Variants in ATP10D observed in about 807,000 individuals in gnomAD.
ATP10D encodes the protein ATPase phospholipid transporting 10D (putative).
A neutral mutation model predicts 144.8 loss-of-function variants in ATP10D; 89 were observed. That is an observed-to-expected ratio of 0.61 (90% confidence interval 0.52 to 0.73). The LOEUF (loss-of-function observed/expected upper bound fraction) is 0.73. Among genes scored for constraint, ATP10D ranks in the 30% least tolerant of loss-of-function variants. ATP10D has a pLI of 0.00. For synonymous variants in ATP10D, 571 were observed against 615.1 expected, an observed-to-expected ratio of 0.93 and a Z score of 1.06; for missense variants, 1,603 against 1,714.8, an observed-to-expected ratio of 0.93 and a Z score of 1.15.
chr4:47,566,333 T>C (rs1323955873), intron 15 of ATP10D, among the ~76,000 whole-genome samples: 3 of 152,220 alleles, frequency 2.0e-5, no homozygotes, highest in South Asian at 2.1e-4. Flanking sequence ...AGTTACTGCA[T>C]TGGAATATAC....
At chr4:47,590,040 A>G (rs1002409056) in intron 22 of ATP10D, among the ~76,000 whole-genome samples, 1 of 152,142 alleles carries the variant, frequency 6.6e-6, no homozygotes, top group Admixed American at 6.6e-5. Flanking sequence ...AGAAATATGA[A>G]TTTTCAAGTA....
At chr4:47,544,879 C>T (rs1718331131) in intron 9 of ATP10D, among the ~76,000 whole-genome samples, 1 of 152,166 alleles carries the variant, frequency 6.6e-6, no homozygotes, top group Non-Finnish European at 1.5e-5. Flanking sequence ...GTCTATATTC[C>T]AGACACTGGA....
intron 3 of ATP10D, among the ~76,000 whole-genome samples, chr4:47,516,331 A>G (rs1048926999): frequency 2.6e-5 from 4 of 151,912 alleles, no homozygotes; most frequent in Non-Finnish European, 4.4e-5. Flanking sequence ...GAGCATTCAT[A>G]GGAGGAGGTC....
At chr4:47,549,736 AG>A (rs1466220915) in intron 10 of ATP10D, among the ~76,000 whole-genome samples, 1 of 152,232 alleles carries the variant, frequency 6.6e-6, no homozygotes, top group Admixed American at 6.5e-5. Context: ...ATCACCTCTA[AG>A]GGAGTGAAGA....
intron 1 of ATP10D, among the ~76,000 whole-genome samples, chr4:47,498,339 T>C (rs10938489): frequency 0.99 from 151,101 of 152,336 alleles, 74,947 homozygotes; most frequent in East Asian, 1. Flanking sequence ...TATTTAACAG[T>C]ATCTCTGGCT....
At chr4:47,524,355 C>T (rs1717125729) in intron 4 of ATP10D, among the ~76,000 whole-genome samples, 1 of 152,034 alleles carries the variant, frequency 6.6e-6, no homozygotes, top group Admixed American at 6.6e-5. Flanking sequence ...ATTGGGCCCA[C>T]CTCTCTACCT....
intron 9 of ATP10D, among the ~76,000 whole-genome samples, chr4:47,545,715 A>G (rs186929192): frequency 6.6e-6 from 1 of 152,360 alleles, no homozygotes; most frequent in Non-Finnish European, 1.5e-5. Context: ...TGAGATTATC[A>G]TATTGGCAAA....
intron 21 of ATP10D, chr4:47,583,355 A>G (rs974547811): frequency 1.3e-5 from 2 of 152,212 alleles, no homozygotes; most frequent in Non-Finnish European, 2.9e-5. Flanking sequence ...TCCTGATAAC[A>G]TATGAATTTT....
intron 1 of ATP10D, among the ~76,000 whole-genome samples, chr4:47,502,492 T>G (rs1442073685): frequency 6.6e-6 from 1 of 150,678 alleles, no homozygotes; most frequent in Admixed American, 6.6e-5. Context: ...AAATCTGAAG[T>G]GTATTGAAGA....
chr4:47,571,240 GATAACATAATT>G (rs1719933651), intron 16 of ATP10D, among the ~76,000 whole-genome samples: 1 of 149,464 alleles, frequency 6.7e-6, no homozygotes, highest in Admixed American at 6.7e-5. Context: ...TATAATTATA[GATAACATAATT>G]ATAACATAAT....
chr4:47,519,117 A>G (rs772921503), intron 3 of ATP10D, among the ~76,000 whole-genome samples: 14 of 152,234 alleles, frequency 9.2e-5, no homozygotes, highest in East Asian at 1.9e-4. Flanking sequence ...TATTGGAAAC[A>G]TACTAAAAAT....
intron 5 of ATP10D, among the ~76,000 whole-genome samples, chr4:47,531,394 G>A (rs1176805503): frequency 6.6e-6 from 1 of 152,200 alleles, no homozygotes; most frequent in Non-Finnish European, 1.5e-5. Context: ...TTCAGGCTGA[G>A]GGAGCAACAT....
chr4:47,536,051 A>T lies in ATP10D; in HGVS notation c.1015+18A>T. On this transcript the variant is annotated intron_variant, in intron 7 of 22. Coordinates refer to ENST00000273859, the MANE Select transcript of ATP10D (RefSeq NM_020453.4). ...CGCAGTAGGTAGGTAAAATTTGATT[A>T]TTTGCTGACATCTTTTCAGCAAGAT... 6.3e-7 allele frequency: 1 copy of T among 1,594,502 alleles called. No individual in the cohort carries two copies. The highest frequency in any genetic ancestry group is 8.5e-7 in the Non-Finnish European group (1 of 1,172,282).
chr4:47,509,946 GT>G, intron 1 of ATP10D, among the ~76,000 whole-genome samples: 1 of 9,326 alleles, frequency 1.1e-4, no homozygotes, highest in East Asian at 0.071. Flanking sequence ...TTTCAGGGGT[GT>G]GTGTGTGTGT....
chr4:47,513,915 C>T (rs1271086270), intron 2 of ATP10D, among the ~76,000 whole-genome samples: 1 of 152,078 alleles, frequency 6.6e-6, no homozygotes, highest in African/African-American at 2.4e-5. Context: ...TAATGGAGAC[C>T]TGACCTTGGA....
rs372960268 is a variant in ATP10D, at chr4:47,528,458, GGTGTGTGTGTGTGTGT to G, written c.776+2857_776+2872del. 9.6e-4 allele frequency among the ~76,000 whole-genome samples: 112 copies of G among 116,244 alleles called. 1 individual carries two copies. Among genetic ancestry groups the G allele is most frequent in the African/African-American group, 2.3e-3 (70 of 30,794 alleles). 76.3% of individuals were successfully genotyped at this position (116,244 alleles called of 152,430 possible). On this transcript the variant is annotated intron_variant, in intron 5 of 22. Coordinates refer to ENST00000273859, the MANE Select transcript of ATP10D (RefSeq NM_020453.4). ...TTTTTATAGCTGAATAGTAGTCCAT[GGTGTGTGTGTGTGTGT>G]GTGTGTGTGTGTGTGTGTGTGTGTG...
intron 5 of ATP10D, among the ~76,000 whole-genome samples, chr4:47,532,481 G>A (rs978188902): frequency 2.6e-5 from 4 of 152,178 alleles, no homozygotes; most frequent in African/African-American, 9.7e-5. Flanking sequence ...TGATTGGAGG[G>A]GCTTTTGTCT....
chr4:47,535,569 C>T lies in ATP10D; in HGVS notation c.837C>T (p.Cys279=), dbSNP rs1401612965. The T allele has an allele frequency of 1.2e-6, 2 of 1,613,060 alleles. No homozygotes were observed. The highest frequency in any genetic ancestry group is 1.7e-6 in the Non-Finnish European group (2 of 1,179,446). ...LSKENLLLRG[C]TIRNTEAVVG... ...AAGAAAATTTGTTGCTTAGAGGATGCACCATTAGAAACACAGAGGCTGTTG... is the reference window on the plus strand; with the variant it reads ...AAGAAAATTTGTTGCTTAGAGGATGTACCATTAGAAACACAGAGGCTGTTG... The change falls in exon 6 of 23, where the codon TGC becomes TGT. Residue 279 remains cysteine, a synonymous_variant. Transcript: ENST00000273859.
chr4:47,503,620 AG>A (rs1715837629), intron 1 of ATP10D, among the ~76,000 whole-genome samples: 1 of 152,146 alleles, frequency 6.6e-6, no homozygotes, highest in Non-Finnish European at 1.5e-5. Context: ...TATAGGGCCG[AG>A]GGCAGTGGCT....
Sources: gnomAD v4.1 joint callset for allele counts (sites outside exome capture counted in the v4.1 genomes callset) on GRCh38, gnomAD v4.1.1 for gene constraint, MANE v1.5 for transcripts, NCBI Gene and HGNC (gene_info 2026-07-23, HGNC 2026-07-21) for gene names.